The following RPH3A variants were observed in gnomAD, a reference collection of about 807,000 sequenced individuals.
The protein encoded by RPH3A is rabphilin 3A.
Under a neutral mutation model 102.2 loss-of-function variants are expected in RPH3A, and 48 were observed. The observed-to-expected ratio is 0.47, with a 90% CI of 0.37 to 0.60. The LOEUF is 0.60. Among genes scored for constraint, RPH3A ranks in the 20% least tolerant of loss-of-function variants. RPH3A has a pLI of 0.00. For synonymous variants in RPH3A, 310 were observed against 324.3 expected, an observed-to-expected ratio of 0.96 and a Z score of 0.47; for missense variants, 781 against 910.1, an observed-to-expected ratio of 0.86 and a Z score of 1.83.
chr12:112,730,421 G>T (rs2040624488), intron 1 of RPH3A, among the ~76,000 whole-genome samples: 1 of 152,186 alleles, frequency 6.6e-6, no homozygotes, highest in Admixed American at 6.5e-5. Context: ...CCTTTCTCTG[G>T]GAAGTCAGTG....
At chr12:112,860,011 A>T (rs920157967) in intron 5 of RPH3A, among the ~76,000 whole-genome samples, 1 of 152,208 alleles carries the variant, frequency 6.6e-6, no homozygotes, top group African/African-American at 2.4e-5. Flanking sequence ...GAGGGTAGAG[A>T]GCGTCTCCCA....
At chr12:112,833,860 C>T (rs1295649863) in intron 3 of RPH3A, among the ~76,000 whole-genome samples, 1 of 151,982 alleles carries the variant, frequency 6.6e-6, no homozygotes, top group Non-Finnish European at 1.5e-5. Context: ...TTCCTGAGAA[C>T]CTGGGACTGT....
intron 1 of RPH3A, among the ~76,000 whole-genome samples, chr12:112,651,131 G>A (rs184324164): frequency 3.9e-5 from 6 of 152,066 alleles, no homozygotes; most frequent in East Asian, 1.9e-4. Context: ...AGGCTGAGAC[G>A]GGTGGATCGC....
intron 6 of RPH3A, among the ~76,000 whole-genome samples, chr12:112,866,205 G>A (rs2042609143): frequency 6.6e-6 from 1 of 152,128 alleles, no homozygotes. Context: ...ATGAAATCTT[G>A]CGAAAAGTTT....
At chr12:112,747,147 C>T (rs2040753819) in intron 1 of RPH3A, among the ~76,000 whole-genome samples, 1 of 152,204 alleles carries the variant, frequency 6.6e-6, no homozygotes. Flanking sequence ...CTTCCTCCCA[C>T]CTACCATACC....
At chr12:112,764,533 C>T (rs769985291) in intron 1 of RPH3A, among the ~76,000 whole-genome samples, 8 of 152,186 alleles carry the variant, frequency 5.3e-5, no homozygotes, top group Non-Finnish European at 8.8e-5. Context: ...ATTTCCCCAA[C>T]AAAAGACAGC....
rs555107386 is a variant in RPH3A, at chr12:112,710,279, T to G, written c.-139-81864T>G. The stretch of plus-strand genomic sequence containing the variant: ...GCTTGAGCCACCGCGCCCGGCCTGG[T>G]TGCCTTTCTTGACCGTAGTTTCAGC... On this transcript the variant is annotated intron_variant, in intron 1 of 21. Transcript: ENST00000543106. Among the ~76,000 whole-genome samples the G allele has an allele frequency of 1.2e-4, 18 of 152,264 alleles. No individual in the cohort carries two copies. The South Asian group carries it at 3.7e-3, about 32-fold the overall frequency.
chr12:112,782,807 C>A (rs1031363600), intron 1 of RPH3A, among the ~76,000 whole-genome samples: 4 of 152,170 alleles, frequency 2.6e-5, no homozygotes, highest in South Asian at 2.1e-4. Context: ...ATTTAAATGA[C>A]CCCCTGTTGT....
At chr12:112,813,759 C>T (rs532587542) in intron 2 of RPH3A, among the ~76,000 whole-genome samples, 6 of 152,188 alleles carry the variant, frequency 3.9e-5, no homozygotes, top group Non-Finnish European at 5.9e-5. Context: ...ACATCCCCCA[C>T]GTAACAGTTG....
In RPH3A at chr12:112,771,830, G is replaced by T. The variant is rs1176151658; in HGVS notation, c.-139-20313G>T. ...TAAAATCCTACCTATCTAGGGGATAGAAGTCAGCATAGAATAGAAAATATC... is the reference window on the plus strand; with the variant it reads ...TAAAATCCTACCTATCTAGGGGATATAAGTCAGCATAGAATAGAAAATATC... On this transcript the variant is annotated intron_variant, in intron 1 of 21. Coordinates refer to the RPH3A transcript ENST00000543106. Among the ~76,000 whole-genome samples, 3 of 152,264 alleles carry T rather than the reference G, an allele frequency of 2.0e-5. No homozygotes were observed. In the Middle Eastern group the frequency reaches 0.01, roughly 518 times the overall value.
intron 1 of RPH3A, among the ~76,000 whole-genome samples, chr12:112,737,151 T>A (rs1247601908): frequency 1.0e-5 from 1 of 97,366 alleles, no homozygotes; most frequent in African/African-American, 4.2e-5. Flanking sequence ...TGAGACCCTG[T>A]CTCAAAAAAA....
intron 9 of RPH3A, 22 bp from the exon 10 acceptor site, chr12:112,869,871 C>G (rs1258624405): frequency 1.2e-6 from 2 of 1,614,088 alleles, no homozygotes; most frequent in Non-Finnish European, 8.5e-7. Context: ...TTTCTCTACT[C>G]AATTCATGCT....
At chr12:112,794,662 A>G (rs904835169) in intron 2 of RPH3A, among the ~76,000 whole-genome samples, 3 of 152,342 alleles carry the variant, frequency 2.0e-5, no homozygotes, top group East Asian at 1.9e-4. Context: ...TGGATCCTCA[A>G]TAATGCCCAT....
At position 112,794,758 on chromosome 12, in the gene RPH3A, C is replaced by T. The variant is rs556479133; in HGVS notation, c.-19+2495C>T. On this transcript the variant is annotated intron_variant, in intron 2 of 21. Coordinates refer to ENST00000389385, the MANE Select transcript of RPH3A (RefSeq NM_001143854.2). The stretch of plus-strand genomic sequence containing the variant: ...GAGAGGAAAAACAATTTGCCCAAGA[C>T]CACACAGTAAGTTATGGCAGCAACA... 1.2e-4 allele frequency among the ~76,000 whole-genome samples: 18 copies of T among 152,274 alleles called. No individual in the cohort carries two copies. The East Asian group carries it at 3.1e-3, about 26-fold the overall frequency.
intron 1 of RPH3A, among the ~76,000 whole-genome samples, chr12:112,767,647 G>A (rs1363102275): frequency 6.6e-6 from 1 of 152,126 alleles, no homozygotes; most frequent in African/African-American, 2.4e-5. Flanking sequence ...TCCCCTCTCT[G>A]GTTTGTCCTT....
At position 112,881,039 on chromosome 12, in the gene RPH3A, C is replaced by T. The variant is rs1268987842; in HGVS notation, c.1252-733C>T. 2.0e-5 allele frequency among the ~76,000 whole-genome samples: 3 copies of T among 152,090 alleles called. No individual in the cohort carries two copies. The East Asian group carries it at 5.8e-4, about 29-fold the overall frequency. On this transcript the variant is annotated intron_variant, in intron 14 of 21. Coordinates refer to ENST00000389385, the MANE Select transcript of RPH3A (RefSeq NM_001143854.2). ...GGAAGAAAATCCTCATATAAGTGGACCCACACAGTTCACACCCGTGTTGTT... is the reference window on the plus strand; with the variant it reads ...GGAAGAAAATCCTCATATAAGTGGATCCACACAGTTCACACCCGTGTTGTT...
intron 1 of RPH3A, among the ~76,000 whole-genome samples, chr12:112,701,848 C>A (rs955295869): frequency 3.3e-5 from 5 of 152,216 alleles, no homozygotes; most frequent in African/African-American, 9.7e-5. Flanking sequence ...CAACCAGAAA[C>A]TTACAGCAGG....
chr12:112,696,462 G>A (rs2040352784), intron 1 of RPH3A, among the ~76,000 whole-genome samples: 1 of 152,216 alleles, frequency 6.6e-6, no homozygotes, highest in African/African-American at 2.4e-5. Flanking sequence ...AGATGTACAA[G>A]TGGAGGCTCA....
chr12:112,641,545 C>T (rs1334421053), intron 1 of RPH3A, among the ~76,000 whole-genome samples: 13 of 152,066 alleles, frequency 8.5e-5, no homozygotes, highest in Admixed American at 1.3e-4. Flanking sequence ...CACAGATGCA[C>T]GCCACCACAC....
Sources: allele counts gnomAD v4.1 joint callset (sites outside exome capture counted in the v4.1 genomes callset), GRCh38; gene constraint gnomAD v4.1.1; transcripts MANE v1.5; gene names NCBI Gene and HGNC (gene_info 2026-07-23, HGNC 2026-07-21).